Variants in CACNA1A observed in about 807,000 individuals in gnomAD.
CACNA1A encodes calcium voltage-gated channel subunit alpha1 A.
In CACNA1A, 57 loss-of-function variants were observed where a neutral mutation model predicts 262.4. The ratio of observed to expected loss-of-function variants is 0.22; its 90% confidence interval spans 0.18 to 0.27. The LOEUF is 0.27. Among genes scored for constraint, CACNA1A ranks in the 10% least tolerant of loss-of-function variants. The pLI, the probability that CACNA1A is intolerant of heterozygous loss-of-function variation, is 1.00. For synonymous variants in CACNA1A, 1,431 were observed against 1,419.3 expected (o/e 1.01, Z -0.18); for missense variants, 2,526 against 3,562.8 (o/e 0.71, Z 7.41).
intron 3 of CACNA1A, among the ~76,000 whole-genome samples, chr19:13,432,172 T>G (rs1297731245): frequency 1.3e-5 from 2 of 150,462 alleles, no homozygotes; most frequent in Non-Finnish European, 2.9e-5. Context: ...CTCAGCACTT[T>G]GGGAGGCCGA....
At chr19:13,444,362 A>C (rs921146332) in intron 3 of CACNA1A, among the ~76,000 whole-genome samples, 7 of 152,180 alleles carry the variant, frequency 4.6e-5, no homozygotes, top group African/African-American at 1.7e-4. Flanking sequence ...TGTTGTTGGA[A>C]TGCTGTTTAC....
chr19:13,492,819 C>T (rs1170440993), intron 1 of CACNA1A, among the ~76,000 whole-genome samples: 1 of 152,166 alleles, frequency 6.6e-6, no homozygotes, highest in Non-Finnish European at 1.5e-5. Context: ...ACCTAGCATA[C>T]AGTAGGTGCT....
At chr19:13,346,791 T>G (rs1289809438) in intron 6 of CACNA1A, among the ~76,000 whole-genome samples, 1 of 145,746 alleles carries the variant, frequency 6.9e-6, no homozygotes. Context: ...GCAATTCTTG[T>G]GCCTCAGCCT....
intron 3 of CACNA1A, among the ~76,000 whole-genome samples, chr19:13,391,654 T>C (rs908350099): frequency 6.6e-6 from 1 of 152,020 alleles, no homozygotes; most frequent in East Asian, 1.9e-4. Context: ...CCTAGCACTT[T>C]GGGAGGCTGA....
At chr19:13,230,996 T>TTTTTTTTTTG (rs2055644933) in intron 35 of CACNA1A, among the ~76,000 whole-genome samples, 1 of 131,862 alleles carries the variant, frequency 7.6e-6, no homozygotes, top group African/African-American at 3.0e-5. Flanking sequence ...TGTTTTTTTT[T>TTTTTTTTTTG]TTTTTGTTTG....
chr19:13,268,319 A>G (rs778574488), intron 24 of CACNA1A, among the ~76,000 whole-genome samples: 1 of 152,274 alleles, frequency 6.6e-6, no homozygotes, highest in Middle Eastern at 3.4e-3. Context: ...AGGCGCCTTC[A>G]ACAATGACTG....
At chr19:13,307,998 T>TGGGTCACCA in intron 14 of CACNA1A, 122 bp downstream of exon 14, 14 of 1,431,586 alleles carry the variant, frequency 9.8e-6, no homozygotes, top group Non-Finnish European at 1.3e-5. Context: ...GCCCTGCCCA[T>TGGGTCACCA]TTGGGTGACC....
chr19:13,382,736 A>G (rs1394552621), intron 3 of CACNA1A, among the ~76,000 whole-genome samples: 1 of 152,182 alleles, frequency 6.6e-6, no homozygotes, highest in Non-Finnish European at 1.5e-5. Flanking sequence ...AGGCTGGTGT[A>G]ATGAGGGCTG....
intron 37 of CACNA1A, chr19:13,225,006 C>T (rs1006024972): frequency 4.3e-6 from 2 of 462,328 alleles, no homozygotes; most frequent in African/African-American, 3.9e-5. Flanking sequence ...TTTTTTCCCC[C>T]ACCTGCTTGA....
chr19:13,463,592 G>A (rs2061166105), intron 1 of CACNA1A, among the ~76,000 whole-genome samples: 1 of 152,140 alleles, frequency 6.6e-6, no homozygotes, highest in African/African-American at 2.4e-5. Context: ...AAAACCAGCA[G>A]CAACTATTAA....
rs537550100 is a variant in CACNA1A, at chr19:13,433,076, G to A, written c.539+19800C>T. ...TGGGAGGCTGAGGTGGGCGGATCAC[G>A]AAGTCAGGAGATGGAGACCATCCTG... is the stretch of plus-strand genomic sequence containing the variant. On this transcript the variant is annotated intron_variant, in intron 3 of 46. Coordinates refer to ENST00000360228, the MANE Select transcript of CACNA1A (RefSeq NM_001127222.2). Among the ~76,000 whole-genome samples the A allele has an allele frequency of 4.0e-3, 609 of 152,070 alleles. 2 individuals carry two copies. Among genetic ancestry groups the A allele is most frequent in the African/African-American group, 0.014 (562 of 41,468 alleles).
chr19:13,267,545 G>A (rs757360112), intron 24 of CACNA1A, among the ~76,000 whole-genome samples: 2 of 152,176 alleles, frequency 1.3e-5, no homozygotes, highest in Non-Finnish European at 2.9e-5. Flanking sequence ...TTCTCCAGGC[G>A]TTGTGGAGCT....
At chr19:13,322,223 A>C (rs62109073) in intron 10 of CACNA1A, among the ~76,000 whole-genome samples, 1 of 151,016 alleles carries the variant, frequency 6.6e-6, no homozygotes, top group Non-Finnish European at 1.5e-5. Flanking sequence ...AAAAAAAAGA[A>C]ATCGCATACA....
chr19:13,209,083 G>A, intron 45 of CACNA1A, 74 bp from the exon 46 acceptor site: 2 of 1,527,798 alleles, frequency 1.3e-6, no homozygotes, highest in South Asian at 1.2e-5. Context: ...CACACAGGAG[G>A]CCACCTGGAA....
At chr19:13,371,911 G>A in intron 3 of CACNA1A, 132 bp from the exon 4 acceptor site, 1 of 703,878 alleles carries the variant, frequency 1.4e-6, no homozygotes, top group East Asian at 2.7e-5. Flanking sequence ...GACACCACTG[G>A]CCTCAGTTTT....
rs532268839 is a variant in CACNA1A at position 13,206,944 on chromosome 19, G to GTTTTTTT, written c.*362_*368dup. ...TCTCCCCGTTTTTTCTTTTAAAAAT[G>GTTTTTTT]TTTTTTTTTTTTTTTTTTTTTTTTT... On this transcript the variant is annotated 3_prime_UTR_variant, in exon 47 of 47. Coordinates refer to ENST00000360228, the MANE Select transcript of CACNA1A (RefSeq NM_001127222.2). 10 of 65,130 alleles carry GTTTTTTT rather than the reference G, an allele frequency of 1.5e-4. No individual in the cohort carries two copies. The highest frequency in any genetic ancestry group is 4.7e-4 in the Admixed American group (2 of 4,282). 4.0% of individuals were successfully genotyped at this position (65,130 alleles called of 1,614,324 possible). A position where few individuals can be genotyped will look rare whatever the true frequency, so the allele number is the denominator to read the frequency against.
At chr19:13,499,117 T>C (rs1287340659) in intron 1 of CACNA1A, among the ~76,000 whole-genome samples, 1 of 152,046 alleles carries the variant, frequency 6.6e-6, no homozygotes, top group Non-Finnish European at 1.5e-5. Flanking sequence ...CTGTGGAGTT[T>C]GCAGTGGACA....
intron 6 of CACNA1A, among the ~76,000 whole-genome samples, chr19:13,344,170 T>C (rs189248884): frequency 2.3e-4 from 34 of 145,398 alleles, no homozygotes; most frequent in African/African-American, 8.5e-4. Flanking sequence ...GTCAAGATCA[T>C]GCTGCTGTAC....
At chr19:13,354,875 T>C (rs111228486) in intron 6 of CACNA1A, among the ~76,000 whole-genome samples, 857 of 58,264 alleles carry the variant, frequency 0.015, 4 homozygotes, top group African/African-American at 0.039. Flanking sequence ...TTTTCTTTTT[T>C]TTTTTTTTTT....
Sources: gnomAD v4.1 joint callset for allele counts (sites outside exome capture counted in the v4.1 genomes callset) on GRCh38, gnomAD v4.1.1 for gene constraint, MANE v1.5 for transcripts, NCBI Gene and HGNC (gene_info 2026-07-23, HGNC 2026-07-21) for gene names.